DCDC1: variants seen among roughly 807,000 people sequenced by gnomAD.
DCDC1 encodes the protein doublecortin domain containing 1.
Under a neutral mutation model 178.3 loss-of-function variants are expected in DCDC1, and 200 were observed. The ratio of observed to expected loss-of-function variants is 1.12; its 90% CI spans 1.00 to 1.26. The LOEUF is 1.26. Among genes scored for constraint, DCDC1 ranks in the 50% most tolerant of loss-of-function variants. The probability of loss-of-function intolerance (pLI) is 0.00; values close to 1 mark genes in which losing one functional copy is unlikely to be tolerated. For synonymous variants in DCDC1, 690 were observed against 604.8 expected (o/e 1.14, Z -2.07); for missense variants, 1,983 against 1,749.2 (o/e 1.13, Z -2.38).
chr11:31,030,866 A>C, intron 20 of DCDC1, among the ~76,000 whole-genome samples: 1 of 152,150 alleles, frequency 6.6e-6, no homozygotes, highest in Admixed American at 6.5e-5. Context: ...GCAAGAAAAA[A>C]AAAAACCACT....
At chr11:31,252,356 T>C (rs1193126930) in intron 8 of DCDC1, among the ~76,000 whole-genome samples, 1 of 152,184 alleles carries the variant, frequency 6.6e-6, no homozygotes, top group Non-Finnish European at 1.5e-5. Flanking sequence ...TGTAAAGATC[T>C]GTTCTCACAT....
At chr11:31,193,509 T>A (rs1402852978) in intron 9 of DCDC1, among the ~76,000 whole-genome samples, 2 of 152,096 alleles carry the variant, frequency 1.3e-5, no homozygotes, top group Non-Finnish European at 2.9e-5. Flanking sequence ...ATTAAAAATG[T>A]GAAACACTTT....
chr11:31,327,810 C>A (rs912720734), intron 3 of DCDC1, among the ~76,000 whole-genome samples: 2 of 152,078 alleles, frequency 1.3e-5, no homozygotes, highest in African/African-American at 4.8e-5. Flanking sequence ...TCACTGCAAC[C>A]TCCACCTCCT....
chr11:31,339,880 C>T (rs892774068), intron 1 of DCDC1, among the ~76,000 whole-genome samples: 18 of 151,914 alleles, frequency 1.2e-4, no homozygotes, highest in African/African-American at 3.9e-4. Context: ...GTCTAGACTG[C>T]ACCTATCTAT....
intron 21 of DCDC1, among the ~76,000 whole-genome samples, chr11:30,949,598 AC>A (rs1422251551): frequency 3.9e-5 from 6 of 152,290 alleles, no homozygotes; most frequent in South Asian, 2.1e-4. Context: ...AAGACTTGAA[AC>A]CAACCCAAAT....
intron 20 of DCDC1, among the ~76,000 whole-genome samples, chr11:31,024,499 T>C (rs1191391997): frequency 6.6e-6 from 1 of 151,986 alleles, no homozygotes; most frequent in Non-Finnish European, 1.5e-5. Flanking sequence ...TATGTGATAT[T>C]GTAAATCTTA....
intron 17 of DCDC1, among the ~76,000 whole-genome samples, chr11:31,085,078 T>C (rs571285063): frequency 3.3e-5 from 5 of 151,958 alleles, no homozygotes; most frequent in South Asian, 4.2e-4. Flanking sequence ...AACTATCCCA[T>C]TGAGAAAGGC....
At chr11:31,010,747 A>G (rs1032819210) in intron 20 of DCDC1, among the ~76,000 whole-genome samples, 2 of 152,162 alleles carry the variant, frequency 1.3e-5, no homozygotes, top group African/African-American at 4.8e-5. Context: ...AATACTGTAA[A>G]TGTATTCCAT....
intron 8 of DCDC1, among the ~76,000 whole-genome samples, chr11:31,253,529 T>C (rs1266958075): frequency 6.6e-6 from 1 of 152,084 alleles, no homozygotes; most frequent in Non-Finnish European, 1.5e-5. Context: ...AAATACTGTA[T>C]AAACAATTTT....
chr11:31,113,630 T>C (rs932369786), intron 11 of DCDC1, among the ~76,000 whole-genome samples: 1 of 152,146 alleles, frequency 6.6e-6, no homozygotes, highest in Non-Finnish European at 1.5e-5. Context: ...CATCCTTTTT[T>C]ATGGCTGCAT....
chr11:31,011,897 C>T (rs562531744), intron 20 of DCDC1, among the ~76,000 whole-genome samples: 9 of 152,276 alleles, frequency 5.9e-5, no homozygotes, highest in East Asian at 5.8e-4. Flanking sequence ...TTTGTGTCCC[C>T]GCCCAAATCT....
At chr11:31,088,588 C>T (rs534655706) in intron 17 of DCDC1, among the ~76,000 whole-genome samples, 63 of 152,252 alleles carry the variant, frequency 4.1e-4, no homozygotes, top group African/African-American at 1.5e-3. Context: ...CTCCTAGTGG[C>T]ATTTGTGTTA....
chr11:31,257,105 T>A (rs1489150777), intron 8 of DCDC1, among the ~76,000 whole-genome samples: 2 of 152,210 alleles, frequency 1.3e-5, no homozygotes, highest in Non-Finnish European at 2.9e-5. Flanking sequence ...GCCAGCGCTT[T>A]CAAGGATAAC....
chr11:30,903,635 T>C lies in DCDC1; in HGVS notation c.4357A>G (p.Lys1453Glu), dbSNP rs1944860534. 6.2e-7 allele frequency: 1 copy of C among 1,610,860 alleles called. No homozygotes were observed. Among genetic ancestry groups the C allele is most frequent in the African/African-American group, 1.3e-5 (1 of 74,878 alleles). Residue 1453 changes from lysine (K) to glutamate (E), a missense_variant, in exon 32 of 39, where the codon AAA becomes GAA. Physicochemically the swap from Lys to Glu is moderately conservative, Grantham distance 56. Transcript: ENST00000684477. ...GGGGTTCCATCTTTGGTATATACTT[T>C]GGAGGCTGCTCTGGCAAGCCCAAGT... is the stretch of plus-strand genomic sequence containing the variant. ...EQLGLARAAS[K>E]VYTKDGTPIF...
intron 20 of DCDC1, among the ~76,000 whole-genome samples, chr11:31,031,358 G>A (rs1953620838): frequency 6.6e-6 from 1 of 151,894 alleles, no homozygotes; most frequent in Non-Finnish European, 1.5e-5. Flanking sequence ...CCCCTAACCT[G>A]GTAATGTTAA....
At chr11:31,315,394 T>C (rs1201425453) in intron 3 of DCDC1, among the ~76,000 whole-genome samples, 1 of 133,940 alleles carries the variant, frequency 7.5e-6, no homozygotes, top group East Asian at 2.6e-4. Flanking sequence ...CTCGGCTCAC[T>C]GGTACAGTCT....
At chr11:31,057,192 C>T (rs1327998566) in intron 20 of DCDC1, among the ~76,000 whole-genome samples, 1 of 146,438 alleles carries the variant, frequency 6.8e-6, no homozygotes, top group East Asian at 2.1e-4. Context: ...CGAGATGGCA[C>T]CACTGTACTC....
At chr11:31,141,116 A>T (rs1371801038) in intron 9 of DCDC1, among the ~76,000 whole-genome samples, 5 of 152,226 alleles carry the variant, frequency 3.3e-5, no homozygotes, top group Non-Finnish European at 5.9e-5. Flanking sequence ...TGCATCACTC[A>T]GACTGATGGG....
intron 7 of DCDC1, among the ~76,000 whole-genome samples, chr11:31,288,842 A>G (rs2137372654): frequency 6.6e-6 from 1 of 152,006 alleles, no homozygotes; most frequent in Middle Eastern, 3.4e-3. Flanking sequence ...TTTTATTTAC[A>G]AAATAATTAG....
Sources: gnomAD v4.1 joint callset for allele counts (sites outside exome capture counted in the v4.1 genomes callset) on GRCh38, gnomAD v4.1.1 for gene constraint, MANE v1.5 for transcripts, NCBI Gene and HGNC (gene_info 2026-07-23, HGNC 2026-07-21) for gene names.